The following RSRP1 variants were observed in gnomAD, a reference collection of about 807,000 sequenced individuals.
RSRP1 encodes arginine and serine rich protein 1, also known as arginine/serine-rich protein 1.
Under a neutral mutation model 33.0 loss-of-function variants are expected in RSRP1, and 37 were observed. The observed-to-expected ratio is 1.12, with a 90% confidence interval of 0.86 to 1.48. RSRP1 has a LOEUF of 1.48. RSRP1 is among the 40% of genes most tolerant of loss of function. The pLI, the probability that RSRP1 is intolerant of heterozygous loss-of-function variation, is 0.00. For synonymous variants in RSRP1, 167 were observed against 158.7 expected (o/e 1.05, Z -0.40); for missense variants, 402 against 385.3 (o/e 1.04, Z -0.36).
In RSRP1 at chr1:25,257,324, G is replaced by A. The variant is rs566369791; in HGVS notation, c.-66-10295C>T. Among the ~76,000 whole-genome samples, 89 of 152,204 alleles carry A rather than the reference G, an allele frequency of 5.8e-4. 1 individual carries two copies. In the South Asian group the frequency reaches 0.017, roughly 28 times the overall value. ...TCCTCCCAGAATATAAATTACATAA[G>A]GAGAGAAACTTGTTCTTACTCTACC... On this transcript the variant is annotated intron_variant, in intron 1 of 1. Transcript: ENST00000561867.
rs1457348510 is a variant in RSRP1 at position 25,246,924 on chromosome 1, G to T, written c.40C>A (p.Gln14Lys). The change falls in exon 2 of 5, where the codon CAG (glutamine) becomes AAG (lysine). Residue 14 changes from glutamine (Q) to lysine (K), a missense_variant. By Grantham distance (53) the Gln-to-Lys change is moderately conservative (BLOSUM62 1). Coordinates refer to ENST00000243189, the MANE Select transcript of RSRP1 (RefSeq NM_020317.5). ...YVNDMWPGSP[Q>K]EKDSPSTSRS... ...GAGGTCGAGGGCGAATCCTTCTCCT[G>T]CGGCGAGCCCGGCCACATGTCGTTC... 1 of 1,593,720 alleles carries T rather than the reference G, an allele frequency of 6.3e-7. No individual in the cohort carries two copies. Among genetic ancestry groups the T allele is most frequent in the Admixed American group, 1.7e-5 (1 of 57,868 alleles).
In RSRP1 at chr1:25,307,738, G is replaced by A. The variant is rs769600983; in HGVS notation, c.-67+30240C>T. The A allele has an allele frequency of 3.0e-4, 391 of 1,307,558 alleles. 91 individuals are homozygous for A. Among genetic ancestry groups the A allele is most frequent in the African/African-American group, 2.4e-3 (166 of 68,226 alleles). The allele number at this position is 1,307,558 out of a possible 1,614,324, so 81.0% of individuals were successfully genotyped here. A position where few individuals can be genotyped will look rare whatever the true frequency, so the allele number is the denominator to read the frequency against. On this transcript the variant is annotated intron_variant, in intron 1 of 1. Transcript: ENST00000561867. ...CGTGTCTCAGAGAAATCATGGAGGC[G>A]CTGCGGTTCCTACCGGTTCTTGGAT...
Position 25,307,109 on chromosome 1 carries a change from T to C in RSRP1, c.-67+30869A>G, listed in dbSNP as rs1353166350. On this transcript the variant is annotated intron_variant, in intron 1 of 1. Coordinates refer to the RSRP1 transcript ENST00000561867. ...CTAGCTGGGCATGTGGCTTAACCTT[T>C]CTCAGCCTCAGTCGCCCCATTGTAA... Among the ~76,000 whole-genome samples the C allele has an allele frequency of 2.3e-5, 3 of 132,752 alleles. 1 individual carries two copies. Among genetic ancestry groups the C allele is most frequent in the Non-Finnish European group, 5.3e-5 (3 of 56,090 alleles). The allele number at this position is 132,752 out of a possible 152,430, so 87.1% of individuals were successfully genotyped here.
intron 4 of RSRP1, 120 bp from the exon 5 acceptor site, chr1:25,242,825 G>A (rs1396042204): frequency 1.6e-5 from 11 of 697,526 alleles, no homozygotes; most frequent in Admixed American, 5.1e-5. Flanking sequence ...TGCTGGGCGC[G>A]GTGGCTCACG....
chr1:25,334,551 T>G (rs1470867918), intron 1 of RSRP1, among the ~76,000 whole-genome samples: 1 of 133,024 alleles, frequency 7.5e-6, no homozygotes, highest in Non-Finnish European at 1.8e-5. Flanking sequence ...CAGTAGGGAC[T>G]GTGTGTGGGG....
At chr1:25,243,198 G>C (rs1390966895) in intron 4 of RSRP1, among the ~76,000 whole-genome samples, 1 of 152,258 alleles carries the variant, frequency 6.6e-6, no homozygotes, top group Non-Finnish European at 1.5e-5. Context: ...GGAGACACTG[G>C]ACATACACAA....
In RSRP1 at chr1:25,276,386, A is replaced by T. The variant is rs1158900278; in HGVS notation, c.-66-29357T>A. 2.5e-5 allele frequency among the ~76,000 whole-genome samples: 3 copies of T among 121,972 alleles called. 1 individual carries two copies. Among genetic ancestry groups the T allele is most frequent in the Non-Finnish European group, 5.7e-5 (3 of 53,062 alleles). 80.0% of individuals were successfully genotyped at this position (121,972 alleles called of 152,430 possible). On this transcript the variant is annotated intron_variant, in intron 1 of 1. Transcript: ENST00000561867. The stretch of plus-strand genomic sequence containing the variant: ...ATCGTGCTGTTCTCTCTGTTTTCGT[A>T]TATGCTTTAAAAGTTCTGTAATAGT...
chr1:25,296,012 A>T (rs1642926258), intron 1 of RSRP1, among the ~76,000 whole-genome samples: 1 of 117,324 alleles, frequency 8.5e-6, no homozygotes. Context: ...ACAGGCACAC[A>T]CCACCACGCC....
At chr1:25,253,701 G>C (rs1042302281) in intron 1 of RSRP1, 1 of 152,186 alleles carries the variant, frequency 6.6e-6, no homozygotes, top group Non-Finnish European at 1.5e-5. Flanking sequence ...ATGGTTTCCA[G>C]TTTTTTCACT....
rs1466063240 is a variant in RSRP1 at position 25,276,349 on chromosome 1, G to A, written c.-66-29320C>T. ...GACAATCATCAGAGTTTGGAGATGG[G>A]CACGTAGGGTCATCGTGCTGTTCTC... On this transcript the variant is annotated intron_variant, in intron 1 of 1. Coordinates refer to the RSRP1 transcript ENST00000561867. Among the ~76,000 whole-genome samples the A allele has an allele frequency of 4.0e-5, 5 of 126,408 alleles. 1 individual carries two copies. The highest frequency in any genetic ancestry group is 1.4e-4 in the African/African-American group (5 of 36,664). 82.9% of individuals were successfully genotyped at this position (126,408 alleles called of 152,430 possible). A position where few individuals can be genotyped will look rare whatever the true frequency, so the allele number is the denominator to read the frequency against.
At chr1:25,249,970 G>T (rs530743397), upstream of RSRP1, among the ~76,000 whole-genome samples, 72 of 152,174 alleles carry the variant, frequency 4.7e-4, no homozygotes, top group Non-Finnish European at 9.0e-4. Flanking sequence ...GCCACACTTG[G>T]AGACAAATTG....
rs1292546458 is a variant in RSRP1, at chr1:25,278,055, G to T, written c.-66-31026C>A. ...TTTTCTTCCAGCTACCCTGGTGATTGTATTGAGCATTTTCTGGGGTGTGTG... is the reference window on the plus strand; with the variant it reads ...TTTTCTTCCAGCTACCCTGGTGATTTTATTGAGCATTTTCTGGGGTGTGTG... On this transcript the variant is annotated intron_variant, in intron 1 of 1. Transcript: ENST00000561867. 1.5e-5 allele frequency among the ~76,000 whole-genome samples: 2 copies of T among 130,310 alleles called. 1 individual carries two copies. Among genetic ancestry groups the T allele is most frequent in the African/African-American group, 5.2e-5 (2 of 38,400 alleles). 85.5% of individuals were successfully genotyped at this position (130,310 alleles called of 152,430 possible).
At position 25,321,962 on chromosome 1, in the gene RSRP1, G is replaced by A. The variant is rs549616139; in HGVS notation, c.-67+16016C>T. The A allele has an allele frequency of 2.2e-4, 287 of 1,297,700 alleles. 13 individuals carry two copies. The East Asian group carries it at 5.7e-3, about 26-fold the overall frequency. 80.4% of individuals were successfully genotyped at this position (1,297,700 alleles called of 1,614,324 possible). ...ATTTTGATGACCAAGTTTTCTGGAA[G>A]GTAAGATTTTTCACCTATTAACGTG... On this transcript the variant is annotated intron_variant, in intron 1 of 1. Coordinates refer to the RSRP1 transcript ENST00000561867.
chr1:25,248,528 T>A (rs1639658140), upstream of RSRP1, among the ~76,000 whole-genome samples: 1 of 152,288 alleles, frequency 6.6e-6, no homozygotes, highest in Admixed American at 6.5e-5. Context: ...CAGGCTGGTC[T>A]CCAACTCCTG....
intron 1 of RSRP1, among the ~76,000 whole-genome samples, chr1:25,319,939 C>A (rs1436888318): frequency 7.6e-6 from 1 of 130,832 alleles, no homozygotes; most frequent in Non-Finnish European, 1.8e-5. Context: ...GCTCTTGTTG[C>A]CCAGGCTGGA....
At chr1:25,287,092 C>CAAAAA (rs1642086477) in intron 1 of RSRP1, among the ~76,000 whole-genome samples, 1 of 134,918 alleles carries the variant, frequency 7.4e-6, no homozygotes, top group African/African-American at 2.6e-5. Flanking sequence ...GGCTCTGTCT[C>CAAAAA]AAAAACAAAA....
At chr1:25,248,616 C>G (rs1639662730), upstream of RSRP1, among the ~76,000 whole-genome samples, 1 of 152,162 alleles carries the variant, frequency 6.6e-6, no homozygotes, top group South Asian at 2.1e-4. Context: ...AGCCTATACA[C>G]TTCTTTACAA....
chr1:25,259,260 T>A (rs1640051722), intron 1 of RSRP1, among the ~76,000 whole-genome samples: 1 of 151,160 alleles, frequency 6.6e-6, no homozygotes, highest in Non-Finnish European at 1.5e-5. Context: ...TCTGGCTAAT[T>A]TTTTGTATTT....
At chr1:25,261,004 A>G (rs1640120445) in intron 1 of RSRP1, among the ~76,000 whole-genome samples, 1 of 151,798 alleles carries the variant, frequency 6.6e-6, no homozygotes, top group Non-Finnish European at 1.5e-5. Flanking sequence ...GTTTCACCAT[A>G]TTGGCCAGGC....
Sources: allele counts gnomAD v4.1 joint callset (sites outside exome capture counted in the v4.1 genomes callset), GRCh38; gene constraint gnomAD v4.1.1; transcripts MANE v1.5; gene names NCBI Gene and HGNC (gene_info 2026-07-23, HGNC 2026-07-21).